CEP41: variants seen among roughly 807,000 people sequenced by gnomAD.
CEP41 encodes the protein centrosomal protein of 41 kDa.
A neutral mutation model predicts 44.3 loss-of-function variants in CEP41; 32 were observed. That is an observed-to-expected ratio of 0.72 (90% CI 0.54 to 0.97). The LOEUF (loss-of-function observed/expected upper bound fraction) is 0.97. CEP41 is among the 50% of genes least tolerant of loss of function. The pLI, the probability that CEP41 is intolerant of heterozygous loss-of-function variation, is 0.00. For missense variants in CEP41, 432 were observed against 455.2 expected (o/e 0.95, Z 0.46); for synonymous variants, 151 against 168.5 (o/e 0.90, Z 0.80).
intron 3 of CEP41, among the ~76,000 whole-genome samples, chr7:130,415,555 T>C (rs1554420679): frequency 6.6e-6 from 1 of 152,232 alleles, no homozygotes; most frequent in African/African-American, 2.4e-5. Flanking sequence ...GGAGATCACC[T>C]CCACGTAAGG....
intron 1 of CEP41, among the ~76,000 whole-genome samples, chr7:130,437,260 A>C (rs1797993436): frequency 6.6e-6 from 1 of 152,118 alleles, no homozygotes; most frequent in African/African-American, 2.4e-5. Flanking sequence ...TGGAGAAAAT[A>C]GGAGAGAGAA....
rs1796585385 is a variant in CEP41 at position 130,393,832 on chromosome 7, T to C, written c.*5059A>G. The C allele has an allele frequency of 1.5e-5, 7 of 454,064 alleles. No homozygotes were observed. Among genetic ancestry groups the C allele is most frequent in the South Asian group, 9.3e-5 (6 of 64,480 alleles). The allele number at this position is 454,064 out of a possible 1,614,324, so 28.1% of individuals were successfully genotyped here. A position where few individuals can be genotyped will look rare whatever the true frequency, so the allele number is the denominator to read the frequency against. ...CTATCAGGAAAACAGCCTACTTTTT[T>C]CCCCCTACAATATAATTAAAAGTTT... On this transcript the variant is annotated 3_prime_UTR_variant, in exon 11 of 11. Transcript: ENST00000223208.
At chr7:130,439,758 G>A (rs1314146663) in intron 1 of CEP41, among the ~76,000 whole-genome samples, 1 of 151,992 alleles carries the variant, frequency 6.6e-6, no homozygotes, top group African/African-American at 2.4e-5. Flanking sequence ...TAAAGGCTAA[G>A]AACCTCAGCA....
chr7:130,400,590 T>TG, intron 9 of CEP41, 117 bp downstream of exon 9: 2 of 759,792 alleles, frequency 2.6e-6, no homozygotes, highest in Non-Finnish European at 4.7e-6. Flanking sequence ...TCAGCCAGCA[T>TG]GGCTTTTTCT....
intron 3 of CEP41, 54 bp from the exon 4 acceptor site, chr7:130,412,294 C>A: frequency 1.1e-6 from 1 of 870,154 alleles, no homozygotes; most frequent in Non-Finnish European, 2.0e-6. Flanking sequence ...TAGAGCTATT[C>A]TTTCTAGTTG....
chr7:130,393,831 T>C lies in CEP41; in HGVS notation c.*5060A>G, dbSNP rs1554413357. Reference sequence around the variant, plus strand: ...CCTATCAGGAAAACAGCCTACTTTTTTCCCCCTACAATATAATTAAAAGTT... The same window carrying C: ...CCTATCAGGAAAACAGCCTACTTTTCTCCCCCTACAATATAATTAAAAGTT... On this transcript the variant is annotated 3_prime_UTR_variant, in exon 11 of 11. Coordinates refer to ENST00000223208, the MANE Select transcript of CEP41 (RefSeq NM_018718.3). 1 of 454,106 alleles carries C rather than the reference T, an allele frequency of 2.2e-6. No individual in the cohort carries two copies. Among genetic ancestry groups the C allele is most frequent in the East Asian group, 6.9e-5 (1 of 14,394 alleles). The allele number at this position is 454,106 out of a possible 1,614,324, so 28.1% of individuals were successfully genotyped here. A position where few individuals can be genotyped will look rare whatever the true frequency, so the allele number is the denominator to read the frequency against.
At chr7:130,437,163 T>C (rs1285311897) in intron 1 of CEP41, among the ~76,000 whole-genome samples, 1 of 151,578 alleles carries the variant, frequency 6.6e-6, no homozygotes, top group South Asian at 2.1e-4. Flanking sequence ...AAACAGGAGA[T>C]GAAAGTTACG....
chr7:130,429,153 T>C (rs1327050780), intron 1 of CEP41, among the ~76,000 whole-genome samples: 1 of 152,124 alleles, frequency 6.6e-6, no homozygotes, highest in African/African-American at 2.4e-5. Flanking sequence ...ATCTCTCCCC[T>C]GCAGGGATCC....
At chr7:130,409,355 G>A (rs1182485028) in intron 5 of CEP41, among the ~76,000 whole-genome samples, 1 of 152,188 alleles carries the variant, frequency 6.6e-6, no homozygotes, top group Non-Finnish European at 1.5e-5. Flanking sequence ...TTCTGGTGCT[G>A]CAATCTCAAC....
intron 5 of CEP41, 159 bp downstream of exon 5, chr7:130,410,962 AC>A: frequency 1.4e-6 from 1 of 731,960 alleles, no homozygotes; most frequent in Non-Finnish European, 2.5e-6. Flanking sequence ...AGAATTAACA[AC>A]TAAAGTATCA....
intron 2 of CEP41, among the ~76,000 whole-genome samples, chr7:130,427,140 C>T (rs536352384): frequency 2.0e-5 from 3 of 152,222 alleles, no homozygotes; most frequent in South Asian, 4.2e-4. Flanking sequence ...AAGTCAACAT[C>T]GTCATTTACT....
chr7:130,420,077 G>A (rs996878429), intron 2 of CEP41: 4 of 984,642 alleles, frequency 4.1e-6, no homozygotes, highest in Admixed American at 6.2e-5. Flanking sequence ...ATCCCAGCAC[G>A]TTGGGAGGCT....
chr7:130,420,533 GGAGGCC>G (rs1428054645), intron 2 of CEP41: 1 of 152,024 alleles, frequency 6.6e-6, no homozygotes, highest in East Asian at 1.9e-4. Context: ...CAGCACTTTG[GGAGGCC>G]GAGGCGGGAG....
Position 130,395,744 on chromosome 7 carries a change from T to C in CEP41, c.*3147A>G, listed in dbSNP as rs1554414216. 1 of 453,810 alleles carries C rather than the reference T, an allele frequency of 2.2e-6. No homozygotes were observed. The highest frequency in any genetic ancestry group is 2.0e-5 in the African/African-American group (1 of 49,996). 28.1% of individuals were successfully genotyped at this position (453,810 alleles called of 1,614,324 possible). ...TTCTTGGTCGAGTAGCCTAAAGTCT[T>C]AAGAATTTTTGTATAATTTAAATAG... On this transcript the variant is annotated 3_prime_UTR_variant, in exon 11 of 11. Transcript: ENST00000223208.
At position 130,397,144 on chromosome 7, in the gene CEP41, T is replaced by C. The variant is rs1554415030; in HGVS notation, c.*1747A>G. The C allele has an allele frequency of 4.4e-6, 2 of 454,420 alleles. No homozygotes were observed. The highest frequency in any genetic ancestry group is 3.1e-5 in the South Asian group (2 of 64,468). The allele number at this position is 454,420 out of a possible 1,614,324, so 28.1% of individuals were successfully genotyped here. A position where few individuals can be genotyped will look rare whatever the true frequency, so the allele number is the denominator to read the frequency against. On this transcript the variant is annotated 3_prime_UTR_variant, in exon 11 of 11. Coordinates refer to ENST00000223208, the MANE Select transcript of CEP41 (RefSeq NM_018718.3). ...TTTTCTATCTATGCTGTAAAGAAAA[T>C]ACAAAGCCAGAGCATTTTGGCATTA...
upstream of CEP41, chr7:130,441,324 A>C (rs1274663475): frequency 2.3e-5 from 10 of 443,694 alleles, no homozygotes; most frequent in African/African-American, 4.0e-5. Flanking sequence ...AGCCGGGACA[A>C]AACACGAGTT....
chr7:130,411,063 TGA>T, intron 5 of CEP41, 57 bp downstream of exon 5: 1 of 1,401,744 alleles, frequency 7.1e-7, no homozygotes, highest in Non-Finnish European at 1.0e-6. Context: ...GTGTACAGGG[TGA>T]GTGTTTCAGT....
intron 1 of CEP41, among the ~76,000 whole-genome samples, chr7:130,437,559 C>T (rs1304770147): frequency 6.6e-6 from 1 of 150,746 alleles, no homozygotes; most frequent in African/African-American, 2.4e-5. Context: ...TTGCTTGAGC[C>T]CAGGAGTTCA....
chr7:130,431,803 C>T (rs1463535238), intron 1 of CEP41, among the ~76,000 whole-genome samples: 7 of 152,128 alleles, frequency 4.6e-5, no homozygotes, highest in African/African-American at 1.7e-4. Flanking sequence ...GCTGGAGAGG[C>T]AGCAGGGGCA....
Sources: allele counts gnomAD v4.1 joint callset (sites outside exome capture counted in the v4.1 genomes callset), GRCh38; gene constraint gnomAD v4.1.1; transcripts MANE v1.5; gene names NCBI Gene and HGNC (gene_info 2026-07-23, HGNC 2026-07-21).